Variants in GPC5 observed in about 807,000 individuals in gnomAD.
GPC5 encodes glypican-5.
A neutral mutation model predicts 53.9 loss-of-function variants in GPC5; 47 were observed. The observed-to-expected ratio is 0.87, with a 90% CI of 0.69 to 1.11. The LOEUF (loss-of-function observed/expected upper bound fraction) is 1.11. GPC5 is among the 50% of genes most tolerant of loss of function. The pLI is 0.00. For missense variants in GPC5, 748 were observed against 713.1 expected (o/e 1.05, Z -0.56); for synonymous variants, 286 against 263.3 (o/e 1.09, Z -0.84).
intron 2 of GPC5, among the ~76,000 whole-genome samples, chr13:91,522,398 C>T (rs1474337916): frequency 6.6e-6 from 1 of 152,138 alleles, no homozygotes; most frequent in Non-Finnish European, 1.5e-5. Flanking sequence ...AGTCAAAGAC[C>T]AAATATGTAT....
At chr13:91,639,230 A>G (rs963364124) in intron 2 of GPC5, among the ~76,000 whole-genome samples, 4 of 152,224 alleles carry the variant, frequency 2.6e-5, no homozygotes, top group African/African-American at 9.6e-5. Flanking sequence ...TGAGTTGGGC[A>G]AGATGTTTTT....
At chr13:92,149,539 G>T (rs941791417) in intron 7 of GPC5, among the ~76,000 whole-genome samples, 2 of 152,010 alleles carry the variant, frequency 1.3e-5, no homozygotes, top group African/African-American at 4.8e-5. Flanking sequence ...CTTTGTATCT[G>T]CCTCTAACAA....
chr13:92,255,856 G>A (rs2042722793), intron 7 of GPC5, among the ~76,000 whole-genome samples: 1 of 151,918 alleles, frequency 6.6e-6, no homozygotes, highest in Admixed American at 6.6e-5. Context: ...CTATTCCAAG[G>A]ATTTTCACAG....
chr13:92,576,618 A>G (rs1392482745), intron 7 of GPC5, among the ~76,000 whole-genome samples: 1 of 152,212 alleles, frequency 6.6e-6, no homozygotes, highest in Non-Finnish European at 1.5e-5. Context: ...AAATTAGAGC[A>G]AGTAAAATAT....
chr13:91,614,955 A>G (rs2033655358), intron 2 of GPC5, among the ~76,000 whole-genome samples: 2 of 152,100 alleles, frequency 1.3e-5, no homozygotes, highest in African/African-American at 4.8e-5. Flanking sequence ...CCATCCTTCC[A>G]TCTATTCATG....
At chr13:91,556,173 A>T (rs570420901) in intron 2 of GPC5, among the ~76,000 whole-genome samples, 1 of 151,714 alleles carries the variant, frequency 6.6e-6, no homozygotes, top group Non-Finnish European at 1.5e-5. Context: ...ATCATACAGT[A>T]AGTGACCATT....
At chr13:92,333,024 A>G (rs1340059487) in intron 7 of GPC5, among the ~76,000 whole-genome samples, 1 of 152,180 alleles carries the variant, frequency 6.6e-6, no homozygotes, top group Non-Finnish European at 1.5e-5. Context: ...AAGTGAATAT[A>G]TTGGGTCACA....
At chr13:92,306,042 A>C (rs2043108618) in intron 7 of GPC5, among the ~76,000 whole-genome samples, 1 of 152,206 alleles carries the variant, frequency 6.6e-6, no homozygotes, top group Non-Finnish European at 1.5e-5. Context: ...AACGAGCTGG[A>C]CTTATCCATT....
At chr13:92,143,561 T>TTGTTTAATTTA (rs1485411664) in intron 6 of GPC5, among the ~76,000 whole-genome samples, 1 of 152,170 alleles carries the variant, frequency 6.6e-6, no homozygotes, top group African/African-American at 2.4e-5. Context: ...TAATGCCACC[T>TTGTTTAATTTA]ATTGACTTTG....
At chr13:92,250,208 T>C (rs190409157) in intron 7 of GPC5, among the ~76,000 whole-genome samples, 1 of 152,280 alleles carries the variant, frequency 6.6e-6, no homozygotes, top group East Asian at 1.9e-4. Context: ...CTTCTGTGTG[T>C]GTGCATGCAC....
intron 6 of GPC5, among the ~76,000 whole-genome samples, chr13:91,972,792 G>A (rs2040256750): frequency 6.6e-6 from 1 of 152,042 alleles, no homozygotes; most frequent in South Asian, 2.1e-4. Context: ...TTGAATATTG[G>A]CCCCCACTCT....
At chr13:92,484,560 C>A (rs760980427) in intron 7 of GPC5, 1 of 152,078 alleles carries the variant, frequency 6.6e-6, no homozygotes. Flanking sequence ...TCTGACATCA[C>A]AATGGCTATA....
At chr13:91,798,159 TA>T (rs752632610) in intron 5 of GPC5, among the ~76,000 whole-genome samples, 2 of 152,204 alleles carry the variant, frequency 1.3e-5, no homozygotes, top group Non-Finnish European at 2.9e-5. Flanking sequence ...GCATCTCATT[TA>T]AAAATTTCCA....
chr13:91,881,776 C>CTA, intron 5 of GPC5, among the ~76,000 whole-genome samples: 1 of 152,188 alleles, frequency 6.6e-6, no homozygotes, highest in Non-Finnish European at 1.5e-5. Context: ...AAGGTAGCCC[C>CTA]TATGACCTTC....
At chr13:92,583,348 G>A (rs1883430687) in intron 7 of GPC5, among the ~76,000 whole-genome samples, 1 of 152,188 alleles carries the variant, frequency 6.6e-6, no homozygotes, top group Non-Finnish European at 1.5e-5. Context: ...ACTTAATTAT[G>A]AAAATTATCT....
At chr13:91,875,271 C>A (rs1248684755) in intron 5 of GPC5, among the ~76,000 whole-genome samples, 2 of 152,172 alleles carry the variant, frequency 1.3e-5, no homozygotes, top group Non-Finnish European at 2.9e-5. Context: ...AATTTCATAT[C>A]TTTCCTTTGT....
intron 7 of GPC5, among the ~76,000 whole-genome samples, chr13:92,702,416 C>T (rs1348983854): frequency 6.6e-6 from 1 of 152,094 alleles, no homozygotes; most frequent in Admixed American, 6.6e-5. Context: ...GCCCCCTCCC[C>T]AAAGCTCTGC....
chr13:92,496,324 G>A (rs959465243), intron 7 of GPC5, among the ~76,000 whole-genome samples: 1 of 152,018 alleles, frequency 6.6e-6, no homozygotes, highest in African/African-American at 2.4e-5. Flanking sequence ...TTTTTAAATG[G>A]CATTTAGATT....
chr13:92,623,250 A>G (rs961202704), intron 7 of GPC5, among the ~76,000 whole-genome samples: 6 of 152,186 alleles, frequency 3.9e-5, no homozygotes, highest in African/African-American at 9.7e-5. Flanking sequence ...GAAAGACTCA[A>G]TGTTGTCAGT....
Sources: allele counts gnomAD v4.1 joint callset (sites outside exome capture counted in the v4.1 genomes callset), GRCh38; gene constraint gnomAD v4.1.1; transcripts MANE v1.5; gene names NCBI Gene and HGNC (gene_info 2026-07-23, HGNC 2026-07-21).